The following SLC27A4 variants were observed in gnomAD, a reference collection of about 807,000 sequenced individuals.
SLC27A4 encodes the protein long-chain fatty acid transport protein 4.
Under a neutral mutation model 64.4 loss-of-function variants are expected in SLC27A4, and 33 were observed. The observed-to-expected ratio is 0.51, with a 90% confidence interval of 0.39 to 0.68. The LOEUF is 0.68. Among genes scored for constraint, SLC27A4 ranks in the 30% least tolerant of loss-of-function variants. The pLI is 0.00. For synonymous variants in SLC27A4, 377 were observed against 370.0 expected, an observed-to-expected ratio of 1.02 and a Z score of -0.22; for missense variants, 824 against 883.5, an observed-to-expected ratio of 0.93 and a Z score of 0.85.
intron 6 of SLC27A4, 121 bp downstream of exon 6, chr9:128,350,696 C>G (rs1832723062): frequency 1.2e-6 from 1 of 815,214 alleles, no homozygotes; most frequent in Non-Finnish European, 2.0e-6. Flanking sequence ...TGACTCACAC[C>G]TGTAATCCCA....
intron 4 of SLC27A4, among the ~76,000 whole-genome samples, chr9:128,349,682 C>T (rs769335726): frequency 1.3e-5 from 2 of 152,298 alleles, no homozygotes; most frequent in African/African-American, 2.4e-5. Flanking sequence ...ATTCTAAACA[C>T]GTGGAGTCTG....
intron 3 of SLC27A4, among the ~76,000 whole-genome samples, chr9:128,346,855 C>T (rs868444243): frequency 2.0e-5 from 3 of 150,984 alleles, no homozygotes; most frequent in African/African-American, 7.3e-5. Flanking sequence ...CAAAAAAAAA[C>T]CTAGCCGAGC....
rs565273607 is a variant in SLC27A4 at position 128,347,372 on chromosome 9, ACT to A, written c.557-1170_557-1169del. Among the ~76,000 whole-genome samples the A allele has an allele frequency of 9.2e-5, 14 of 151,936 alleles. No individual in the cohort carries two copies. In the South Asian group the frequency reaches 2.9e-3, roughly 32 times the overall value. On this transcript the variant is annotated intron_variant, in intron 3 of 12. Coordinates refer to ENST00000300456, the MANE Select transcript of SLC27A4 (RefSeq NM_005094.4). ...GTTTGATCTTCAGCTTGATCACAGC[ACT>A]CTGTTTTTTCTCCCCACACTGTTGT...
rs771099337 is a variant in SLC27A4, at chr9:128,345,410, C to T, written c.417C>T (p.Phe139=). The part of the protein sequence containing the change: ...AAIFMENRNE[F]VGLWLGMAKL... ...TCTTCATGGAGAACCGCAATGAGTT[C>T]GTGGGCCTATGGCTGGGCATGGCCA... is the stretch of plus-strand genomic sequence containing the variant. Residue 139 remains phenylalanine (F), a synonymous_variant, in exon 3 of 13, where the codon TTC becomes TTT. Coordinates refer to ENST00000300456, the MANE Select transcript of SLC27A4 (RefSeq NM_005094.4). This position sits in a 1 kb window ranked among gnomAD's most constrained non-coding sequence, Gnocchi z 4.1. 2.9e-5 allele frequency: 47 copies of T among 1,613,624 alleles called. No individual in the cohort carries two copies. The highest frequency in any genetic ancestry group is 4.0e-5 in the African/African-American group (3 of 74,914).
chr9:128,355,551 TCGAGGTGCCAGGTATGTGCAGGCAGGCG>T lies in SLC27A4; in HGVS notation c.1624_1627+24del. 1.9e-6 allele frequency: 3 copies of T among 1,610,938 alleles called. No individual in the cohort carries two copies. Among genetic ancestry groups the T allele is most frequent in the Non-Finnish European group, 2.5e-6 (3 of 1,179,982 alleles). ...ATGGCTGACGTGGCCGTGTATGGTG[TCGAGGTGCCAGGTATGTGCAGGCAGGCG>T]CGAGGTGTGGGTAGGGAGGCACCAC... On this transcript the variant is annotated splice_donor_variant and splice_donor_5th_base_variant and coding_sequence_variant and intron_variant, in exon 11 of 13. Coordinates refer to ENST00000300456, the MANE Select transcript of SLC27A4 (RefSeq NM_005094.4). LOFTEE classifies it high-confidence loss of function.
chr9:128,350,174 G>C, intron 4 of SLC27A4, 138 bp from the exon 5 acceptor site: 3 of 724,682 alleles, frequency 4.1e-6, no homozygotes, highest in Non-Finnish European at 7.5e-6. Context: ...TGGTATCTGA[G>C]GTTATCAGAA....
chr9:128,355,324 C>G (rs568882407), intron 10 of SLC27A4, 74 bp from the exon 11 acceptor site: 32 of 1,605,742 alleles, frequency 2.0e-5, no homozygotes, highest in Non-Finnish European at 2.7e-5. Flanking sequence ...TGGGCTCCAG[C>G]AAAGCCTCCC....
intron 3 of SLC27A4, among the ~76,000 whole-genome samples, chr9:128,346,830 T>C (rs746074068): frequency 2.4e-4 from 36 of 150,472 alleles, no homozygotes; most frequent in Admixed American, 2.0e-4. Flanking sequence ...TGAAACCCCG[T>C]CTCTAATAAA....
rs189420030 is a variant in SLC27A4, at chr9:128,353,809, T to G, written c.1324+268T>G. 0.063 allele frequency among the ~76,000 whole-genome samples: 6,998 copies of G among 110,818 alleles called. 1 individual carries two copies. Among genetic ancestry groups the G allele is most frequent in the African/African-American group, 0.26 (4,673 of 17,642 alleles). The allele number at this position is 110,818 out of a possible 152,430, so 72.7% of individuals were successfully genotyped here. A position where few individuals can be genotyped will look rare whatever the true frequency, so the allele number is the denominator to read the frequency against. On this transcript the variant is annotated intron_variant, in intron 9 of 12. Coordinates refer to ENST00000300456, the MANE Select transcript of SLC27A4 (RefSeq NM_005094.4). This position sits in a 1 kb window ranked among gnomAD's most constrained non-coding sequence, Gnocchi z 4.9. Reference sequence around the variant, plus strand: ...CCCAGGCTGGAGTGCAGTGGCGGGATCTCGGCTCACTGCAAGCTCCGCCTC... The same window carrying G: ...CCCAGGCTGGAGTGCAGTGGCGGGAGCTCGGCTCACTGCAAGCTCCGCCTC...
intron 4 of SLC27A4, 47 bp downstream of exon 4, chr9:128,348,750 G>A (rs367962131): frequency 6.3e-6 from 10 of 1,594,618 alleles, no homozygotes; most frequent in Non-Finnish European, 8.6e-6. Flanking sequence ...ACAGGCCCTG[G>A]ACAGAGCACT....
chr9:128,350,831 C>T (rs930720336), intron 6 of SLC27A4, among the ~76,000 whole-genome samples: 1 of 152,240 alleles, frequency 6.6e-6, no homozygotes, highest in Non-Finnish European at 1.5e-5. Context: ...GTGGCTCACA[C>T]CTGTAATCCC....
intron 1 of SLC27A4, 77 bp from the exon 2 acceptor site, chr9:128,343,050 G>A (rs1289320815): frequency 1.7e-5 from 27 of 1,566,064 alleles, no homozygotes; most frequent in Non-Finnish European, 2.3e-5. Context: ...GATCACAGTG[G>A]CCTGGCTGTC....
chr9:128,342,171 C>A, intron 1 of SLC27A4: 1 of 1,282,570 alleles, frequency 7.8e-7, no homozygotes, highest in Non-Finnish European at 1.1e-6. Flanking sequence ...CGGTGGTGGC[C>A]ACTGCGCAGA....
At chr9:128,354,347 A>T (rs1180586834) in intron 9 of SLC27A4, among the ~76,000 whole-genome samples, 3 of 152,144 alleles carry the variant, frequency 2.0e-5, no homozygotes, top group African/African-American at 7.2e-5. Flanking sequence ...GCGAGTATTC[A>T]GCCTCACTGT....
chr9:128,350,857 C>T (rs1832725067), intron 6 of SLC27A4, among the ~76,000 whole-genome samples: 1 of 151,934 alleles, frequency 6.6e-6, no homozygotes, highest in Non-Finnish European at 1.5e-5. Flanking sequence ...TTTGAGAGGC[C>T]AAGGTGGGCG....
rs1049633730 is a variant in SLC27A4, at chr9:128,345,226, T to C, written c.233T>C (p.Ile78Thr). 2 of 1,613,672 alleles carry C rather than the reference T, an allele frequency of 1.2e-6. No individual in the cohort carries two copies. Among genetic ancestry groups the C allele is most frequent in the African/African-American group, 2.7e-5 (2 of 74,916 alleles). Reference protein sequence around the residue: ...QCLQERRTVPILFASTVRRHP... With the variant: ...QCLQERRTVPTLFASTVRRHP... ...CTGCAGGAGCGGCGGACAGTGCCCA[T>C]TTTGTTTGCCTCTACCGTTCGGCGC... Residue 78 changes from isoleucine (I) to threonine (T), a missense_variant, in exon 3 of 13, where the codon ATT (isoleucine) becomes ACT (threonine). Physicochemically the swap from Ile to Thr is moderately conservative, Grantham distance 89 (BLOSUM62 -1). Coordinates refer to ENST00000300456, the MANE Select transcript of SLC27A4 (RefSeq NM_005094.4). This position sits in a 1 kb window ranked among gnomAD's most constrained non-coding sequence, Gnocchi z 4.1.
chr9:128,355,518 T>A lies in SLC27A4; in HGVS notation c.1583T>A (p.Leu528Gln). ...TTEVEGTLSR[L>Q]LDMADVAVYG... The stretch of plus-strand genomic sequence containing the variant: ...GAGGTGGAAGGCACACTCAGCCGCC[T>A]GCTGGACATGGCTGACGTGGCCGTG... The change falls in exon 11 of 13, where the codon CTG becomes CAG. Residue 528 changes from leucine (L) to glutamine (Q), a missense_variant. Leu to Gln is a moderately radical substitution (Grantham distance 113). Transcript: ENST00000300456. 1 of 1,613,090 alleles carries A rather than the reference T, an allele frequency of 6.2e-7. No homozygotes were observed. Among genetic ancestry groups the A allele is most frequent in the Non-Finnish European group, 8.5e-7 (1 of 1,180,028 alleles).
At position 128,353,038 on chromosome 9, in the gene SLC27A4, T is replaced by G. The variant is rs1312260859; in HGVS notation, c.1001T>G (p.Ile334Ser). 1 of 1,613,536 alleles carries G rather than the reference T, an allele frequency of 6.2e-7. No individual in the cohort carries two copies. The highest frequency in any genetic ancestry group is 8.5e-7 in the Non-Finnish European group (1 of 1,179,716). ...IKYNCTIVQY[I>S]GELCRYLLNQ... ...GTTCACCCCCAGATTGTGCAGTACA[T>G]TGGTGAACTGTGCCGCTACCTCCTG... The change falls in exon 8 of 13, where the codon ATT becomes AGT. Residue 334 changes from isoleucine (I) to serine (S), a missense_variant. Coordinates refer to ENST00000300456, the MANE Select transcript of SLC27A4 (RefSeq NM_005094.4). The surrounding 1 kb of genome is among the most constrained non-coding windows in gnomAD (Gnocchi z 4.9).
chr9:128,344,389 C>T (rs548147693), intron 2 of SLC27A4, among the ~76,000 whole-genome samples: 2 of 152,182 alleles, frequency 1.3e-5, no homozygotes, highest in Non-Finnish European at 2.9e-5. Context: ...CATGGTGGTG[C>T]ACACCTGTGG....
Sources: allele counts gnomAD v4.1 joint callset (sites outside exome capture counted in the v4.1 genomes callset), GRCh38; gene constraint gnomAD v4.1.1; non-coding constraint Gnocchi (gnomAD v3.1); transcripts MANE v1.5; gene names NCBI Gene and HGNC (gene_info 2026-07-23, HGNC 2026-07-21).